Variants in CA8 observed in about 807,000 individuals in gnomAD.
CA8 encodes carbonic anhydrase-related protein.
In CA8, 22 loss-of-function variants were observed where a neutral mutation model predicts 41.4. That is an observed-to-expected ratio of 0.53 (90% confidence interval 0.38 to 0.76). The LOEUF is 0.76. CA8 is among the 30% of genes least tolerant of loss of function. The probability of loss-of-function intolerance (pLI) is 0.00; values close to 1 mark genes in which losing one functional copy is unlikely to be tolerated. For missense variants in CA8, 270 were observed against 352.8 expected (o/e 0.77, Z 1.88); for synonymous variants, 121 against 130.6 (o/e 0.93, Z 0.50).
At chr8:60,278,536 C>T (rs941301666) in intron 2 of CA8, among the ~76,000 whole-genome samples, 5 of 152,112 alleles carry the variant, frequency 3.3e-5, no homozygotes, top group Admixed American at 1.3e-4. Flanking sequence ...CTTTAAAAAA[C>T]AGTAAGTAAT....
chr8:60,245,933 T>C (rs1585898757), intron 3 of CA8, among the ~76,000 whole-genome samples: 1 of 152,322 alleles, frequency 6.6e-6, no homozygotes, highest in South Asian at 2.1e-4. Context: ...TAAAACAAGA[T>C]TATTACATTT....
At chr8:60,206,097 T>TA (rs906648171) in intron 8 of CA8, among the ~76,000 whole-genome samples, 3 of 152,264 alleles carry the variant, frequency 2.0e-5, no homozygotes, top group African/African-American at 7.2e-5. Flanking sequence ...AAAGTATTCA[T>TA]AAAAAAATGA....
At chr8:60,267,739 AAC>A (rs1242565249) in intron 2 of CA8, among the ~76,000 whole-genome samples, 1 of 152,184 alleles carries the variant, frequency 6.6e-6, no homozygotes, top group Non-Finnish European at 1.5e-5. Flanking sequence ...TGAACTAAAA[AAC>A]AATGAATTAT....
intron 8 of CA8, 43 bp downstream of exon 8, chr8:60,208,707 A>AAC: frequency 6.5e-7 from 1 of 1,540,884 alleles, no homozygotes; most frequent in Non-Finnish European, 9.0e-7. Context: ...CGCTAGGTTT[A>AAC]AGTAGCTGTG....
At chr8:60,248,143 T>C (rs924496030) in intron 3 of CA8, among the ~76,000 whole-genome samples, 2 of 152,186 alleles carry the variant, frequency 1.3e-5, no homozygotes, top group Non-Finnish European at 2.9e-5. Context: ...TTGTAGATTC[T>C]GGATATTAGA....
chr8:60,260,273 C>A (rs935548349), intron 3 of CA8, among the ~76,000 whole-genome samples: 1 of 152,156 alleles, frequency 6.6e-6, no homozygotes, highest in Non-Finnish European at 1.5e-5. Context: ...ACTAAATCCA[C>A]CACCCCTTCG....
intron 7 of CA8, among the ~76,000 whole-genome samples, chr8:60,213,304 T>C (rs7829561): frequency 0.51 from 77,811 of 152,138 alleles, 20,207 homozygotes; most frequent in Admixed American, 0.57. Context: ...GCCTTGGCCG[T>C]TGTCGGCCCT....
intron 7 of CA8, among the ~76,000 whole-genome samples, chr8:60,219,173 T>TG (rs1399888534): frequency 4.0e-5 from 6 of 151,680 alleles, no homozygotes; most frequent in Non-Finnish European, 8.8e-5. Flanking sequence ...CCTTTTTTTT[T>TG]TTTTAGACGG....
chr8:60,264,107 C>CGGA (rs1803823411), intron 3 of CA8, among the ~76,000 whole-genome samples: 1 of 152,168 alleles, frequency 6.6e-6, no homozygotes, highest in South Asian at 2.1e-4. Context: ...CTTAATGGAC[C>CGGA]GGAGCTGCTG....
chr8:60,201,716 T>C (rs1806434261), intron 8 of CA8, among the ~76,000 whole-genome samples: 1 of 152,100 alleles, frequency 6.6e-6, no homozygotes, highest in Non-Finnish European at 1.5e-5. Context: ...CCAAGATAAA[T>C]ATGACGTTCA....
chr8:60,242,360 C>G (rs1173758921), intron 3 of CA8, among the ~76,000 whole-genome samples: 1 of 152,126 alleles, frequency 6.6e-6, no homozygotes, highest in African/African-American at 2.4e-5. Context: ...AATGGAGGTA[C>G]AGAAAGTGAA....
At chr8:60,241,682 G>A (rs1281712786) in intron 3 of CA8, among the ~76,000 whole-genome samples, 6 of 151,786 alleles carry the variant, frequency 4.0e-5, no homozygotes, top group Non-Finnish European at 8.8e-5. Flanking sequence ...AAAATCAGAA[G>A]CAATTAAAAC....
intron 2 of CA8, among the ~76,000 whole-genome samples, chr8:60,277,288 A>T (rs1804270823): frequency 6.6e-6 from 1 of 152,184 alleles, no homozygotes; most frequent in African/African-American, 2.4e-5. Flanking sequence ...AGGGAACAGC[A>T]GCCGTAGGTG....
chr8:60,199,562 C>G (rs1806366284), intron 8 of CA8, among the ~76,000 whole-genome samples: 1 of 152,176 alleles, frequency 6.6e-6, no homozygotes, highest in Non-Finnish European at 1.5e-5. Flanking sequence ...AAATGGAGAA[C>G]AGACCCATCT....
At chr8:60,226,296 T>C in intron 5 of CA8, among the ~76,000 whole-genome samples, 1 of 133,270 alleles carries the variant, frequency 7.5e-6, no homozygotes, top group Admixed American at 8.1e-5. Flanking sequence ...GCTTGGAATA[T>C]TCTACCTGAT....
chr8:60,193,839 T>G (rs1029705081), intron 8 of CA8, among the ~76,000 whole-genome samples: 2 of 152,176 alleles, frequency 1.3e-5, no homozygotes, highest in African/African-American at 4.8e-5. Context: ...GCTCACGAGT[T>G]CTGGGGAAAT....
chr8:60,240,169 G>C (rs773088917), intron 3 of CA8, among the ~76,000 whole-genome samples: 4 of 152,240 alleles, frequency 2.6e-5, no homozygotes, highest in Non-Finnish European at 4.4e-5. Context: ...CTAGAAGACA[G>C]TGTGGGCATC....
At chr8:60,219,392 G>A (rs1046791297) in intron 7 of CA8, among the ~76,000 whole-genome samples, 8 of 152,050 alleles carry the variant, frequency 5.3e-5, no homozygotes, top group African/African-American at 1.9e-4. Flanking sequence ...TCCTGACCTC[G>A]TGATCTGCCC....
chr8:60,244,209 C>A (rs1808140831), intron 3 of CA8, among the ~76,000 whole-genome samples: 1 of 152,148 alleles, frequency 6.6e-6, no homozygotes, highest in South Asian at 2.1e-4. Flanking sequence ...CCAAATGCAT[C>A]CACTTGGCTG....
Sources: allele counts gnomAD v4.1 joint callset (sites outside exome capture counted in the v4.1 genomes callset), GRCh38; gene constraint gnomAD v4.1.1; transcripts MANE v1.5; gene names NCBI Gene and HGNC (gene_info 2026-07-23, HGNC 2026-07-21).